The following MSH4 variants were observed in gnomAD, a reference collection of about 807,000 sequenced individuals.
MSH4 encodes the protein mutS homolog 4, also known as mutS protein homolog 4.
In MSH4, 106 loss-of-function variants were observed where a neutral mutation model predicts 113.7. The observed-to-expected ratio is 0.93, with a 90% CI of 0.80 to 1.10. MSH4 has a LOEUF of 1.10. Ranked by LOEUF, MSH4 falls within the 50% of genes least tolerant of loss-of-function variation. MSH4 has a pLI of 0.00. For synonymous variants in MSH4, 368 were observed against 380.2 expected, an observed-to-expected ratio of 0.97 and a Z score of 0.37; for missense variants, 1,061 against 1,093.7, an observed-to-expected ratio of 0.97 and a Z score of 0.42.
chr1:75,827,730 T>C (rs1380055398), intron 7 of MSH4, among the ~76,000 whole-genome samples: 1 of 151,234 alleles, frequency 6.6e-6, no homozygotes, highest in Non-Finnish European at 1.5e-5. Context: ...AAATGGACTT[T>C]AAACCAACAA....
chr1:75,888,471 C>A (rs930914316), intron 15 of MSH4, among the ~76,000 whole-genome samples: 3 of 151,368 alleles, frequency 2.0e-5, no homozygotes, highest in Non-Finnish European at 4.4e-5. Context: ...CCTTTTTTTT[C>A]TTTTTATTAA....
At chr1:75,866,231 T>C (rs1651559664) in intron 8 of MSH4, among the ~76,000 whole-genome samples, 1 of 152,138 alleles carries the variant, frequency 6.6e-6, no homozygotes, top group East Asian at 1.9e-4. Context: ...GTGTGATCAC[T>C]GCTTACTGCA....
At position 75,833,638 on chromosome 1, in the gene MSH4, CA is replaced by C. The variant is rs1442218403; in HGVS notation, c.1162+11059del. 5.9e-5 allele frequency among the ~76,000 whole-genome samples: 9 copies of C among 152,184 alleles called. No individual in the cohort carries two copies. In the East Asian group the frequency reaches 9.7e-4, roughly 16 times the overall value. ...CCTCAGAAATAATACCACACATCTA[CA>C]ACCATCTAATCTTTGACAAACCTGA... On this transcript the variant is annotated intron_variant, in intron 7 of 19. Transcript: ENST00000263187.
intron 19 of MSH4, among the ~76,000 whole-genome samples, chr1:75,904,913 T>C (rs1290199906): frequency 1.3e-5 from 2 of 152,124 alleles, no homozygotes; most frequent in Admixed American, 6.5e-5. Context: ...CTAATGATCC[T>C]TTGTATTTCT....
At chr1:75,843,001 A>G (rs1003716188) in intron 7 of MSH4, among the ~76,000 whole-genome samples, 2 of 152,150 alleles carry the variant, frequency 1.3e-5, no homozygotes, top group African/African-American at 4.8e-5. Flanking sequence ...TCTGCCTTCT[A>G]GATAGCAGTA....
At chr1:75,833,231 A>T (rs1482921597) in intron 7 of MSH4, among the ~76,000 whole-genome samples, 8 of 152,200 alleles carry the variant, frequency 5.3e-5, no homozygotes, top group Admixed American at 5.2e-4. Flanking sequence ...CTTATAAGGG[A>T]TGTGAAGGAT....
chr1:75,797,984 T>G (rs963107226), intron 1 of MSH4, among the ~76,000 whole-genome samples: 24 of 152,108 alleles, frequency 1.6e-4, no homozygotes, highest in African/African-American at 5.6e-4. Flanking sequence ...TTCAAATCAT[T>G]TATTATTTTG....
chr1:75,890,918 A>G, intron 17 of MSH4, 94 bp downstream of exon 17: 1 of 1,143,732 alleles, frequency 8.7e-7, no homozygotes, highest in South Asian at 1.5e-5. Context: ...AATAGCTTTT[A>G]AAACAATTTA....
intron 19 of MSH4, among the ~76,000 whole-genome samples, chr1:75,911,937 C>G (rs1278436686): frequency 6.6e-6 from 1 of 151,884 alleles, no homozygotes; most frequent in African/African-American, 2.4e-5. Context: ...CTAGTTCAGG[C>G]AAAGAGGTGA....
intron 19 of MSH4, 88 bp downstream of exon 19, chr1:75,899,794 A>G (rs1652469791): frequency 2.7e-6 from 1 of 376,898 alleles, no homozygotes; most frequent in Non-Finnish European, 4.6e-6. Flanking sequence ...CTAAATATAT[A>G]ATAATTAATA....
In MSH4 at chr1:75,890,948, C is replaced by T. The variant is rs146571223; in HGVS notation, c.2355+124C>T. 270 of 867,996 alleles carry T rather than the reference C, an allele frequency of 3.1e-4. 1 individual carries two copies. The African/African-American group carries it at 3.7e-3, about 12-fold the overall frequency. The allele number at this position is 867,996 out of a possible 1,614,324, so 53.8% of individuals were successfully genotyped here. A position where few individuals can be genotyped will look rare whatever the true frequency, so the allele number is the denominator to read the frequency against. ...AATTTAGATAGTAAACACATATCATCGCATTTATATTTTTGTTCCTTCATT... is the reference window on the plus strand; with the variant it reads ...AATTTAGATAGTAAACACATATCATTGCATTTATATTTTTGTTCCTTCATT... On this transcript the variant is annotated intron_variant, in intron 17 of 19. Coordinates refer to ENST00000263187, the MANE Select transcript of MSH4 (RefSeq NM_002440.4).
intron 19 of MSH4, among the ~76,000 whole-genome samples, chr1:75,907,370 T>C (rs939066349): frequency 3.9e-5 from 6 of 152,202 alleles, no homozygotes; most frequent in Middle Eastern, 3.4e-3. Context: ...AGAAGTCTGT[T>C]GCCAGATGAA....
At chr1:75,808,908 A>G (rs924472187) in intron 3 of MSH4, among the ~76,000 whole-genome samples, 1 of 152,036 alleles carries the variant, frequency 6.6e-6, no homozygotes, top group African/African-American at 2.4e-5. Context: ...CCTAATTTCT[A>G]TGTTATTTAA....
chr1:75,812,866 C>T (rs1168786640), intron 4 of MSH4, among the ~76,000 whole-genome samples: 1 of 152,012 alleles, frequency 6.6e-6, no homozygotes, highest in African/African-American at 2.4e-5. Context: ...TTATGAGAGG[C>T]TAAGGTCATC....
At chr1:75,825,542 G>A (rs58552356) in intron 7 of MSH4, among the ~76,000 whole-genome samples, 38,348 of 151,922 alleles carry the variant, frequency 0.25, 6,249 homozygotes, top group East Asian at 0.68. Context: ...GTCTTGTGCC[G>A]GTTTTCAAAG....
chr1:75,890,174 T>A (rs1222991661), intron 16 of MSH4, among the ~76,000 whole-genome samples: 1 of 152,076 alleles, frequency 6.6e-6, no homozygotes, highest in East Asian at 1.9e-4. Flanking sequence ...AGAGCACTTC[T>A]GTCAATTTAA....
Position 75,797,044 on chromosome 1 carries a change from C to T in MSH4, c.59C>T (p.Ser20Leu), listed in dbSNP as rs1557485262. 6.2e-6 allele frequency: 10 copies of T among 1,614,074 alleles called. No homozygotes were observed. In the East Asian group the frequency reaches 6.7e-5, roughly 11 times the overall value. ...SPSAPAVSPS[S>L]GETRSPQGPR... Reference sequence around the variant, plus strand: ...TCTGCCCCGGCGGTTTCCCCGTCGTCGGGAGAAACCCGCTCACCTCAGGGT... The same window carrying T: ...TCTGCCCCGGCGGTTTCCCCGTCGTTGGGAGAAACCCGCTCACCTCAGGGT... Residue 20 changes from serine to leucine, a missense_variant, in exon 1 of 20, where the codon TCG (serine) becomes TTG (leucine). Transcript: ENST00000263187.
At chr1:75,824,429 T>G (rs993671327) in intron 7 of MSH4, among the ~76,000 whole-genome samples, 8 of 152,234 alleles carry the variant, frequency 5.3e-5, no homozygotes, top group Non-Finnish European at 1.2e-4. Flanking sequence ...GGTTGCCTTT[T>G]CACTCTGATG....
chr1:75,878,295 C>G lies in MSH4; in HGVS notation c.1517C>G (p.Thr506Arg), dbSNP rs760677979. 1.3e-6 allele frequency: 2 copies of G among 1,597,574 alleles called. No individual in the cohort carries two copies. The highest frequency in any genetic ancestry group is 2.7e-5 in the African/African-American group (2 of 73,936). Reference protein sequence around the residue: ...EFLDIARRTYTEIVDDIAGMI... With the variant: ...EFLDIARRTYREIVDDIAGMI... ...CTTGACATAGCAAGAAGAACATACA[C>G]AGAGATTGTAGATGACATAGCAGGT... The change falls in exon 11 of 20, where the codon ACA becomes AGA. Residue 506 changes from threonine (T) to arginine (R), a missense_variant. Transcript: ENST00000263187.
Sources: gnomAD v4.1 joint callset for allele counts (sites outside exome capture counted in the v4.1 genomes callset) on GRCh38, gnomAD v4.1.1 for gene constraint, MANE v1.5 for transcripts, NCBI Gene and HGNC (gene_info 2026-07-23, HGNC 2026-07-21) for gene names.